Variants in TMEM138 observed in about 807,000 individuals in gnomAD.
The protein encoded by TMEM138 is transmembrane protein 138.
Under a neutral mutation model 18.1 loss-of-function variants are expected in TMEM138, and 9 were observed. The ratio of observed to expected loss-of-function variants is 0.50; its 90% CI spans 0.30 to 0.87. The LOEUF is 0.87. TMEM138 is among the 40% of genes least tolerant of loss of function. TMEM138 has a pLI of 0.06. For missense variants in TMEM138, 189 were observed against 190.6 expected, an observed-to-expected ratio of 0.99 and a Z score of 0.05; for synonymous variants, 79 against 74.8, an observed-to-expected ratio of 1.06 and a Z score of -0.29.
chr11:61,371,280 C>G (rs1406005340), downstream of TMEM138, among the ~76,000 whole-genome samples: 2 of 152,080 alleles, frequency 1.3e-5, no homozygotes, highest in African/African-American at 4.8e-5. Flanking sequence ...TGATCTGCCC[C>G]CCTCGGCCTC....
chr11:61,366,926 T>C (rs1003447885), intron 3 of TMEM138: 2 of 152,212 alleles, frequency 1.3e-5, no homozygotes, highest in African/African-American at 2.4e-5. Flanking sequence ...AAAACAGCCT[T>C]GTCCAAGAGT....
At chr11:61,368,045 C>G (rs370164598) in intron 4 of TMEM138, 47 bp downstream of exon 4, 23 of 1,321,306 alleles carry the variant, frequency 1.7e-5, no homozygotes, top group South Asian at 7.0e-5. Flanking sequence ...CCACATGTGT[C>G]TCTTTCAGTG....
In TMEM138 at chr11:61,368,743, T is replaced by A; in HGVS notation, c.*34T>A. On this transcript the variant is annotated 3_prime_UTR_variant, in exon 5 of 5. Coordinates refer to ENST00000278826, the MANE Select transcript of TMEM138 (RefSeq NM_016464.5). ...CACACTGATGGATACTTTTCCTTCC[T>A]GATAGAAGCCACATTTGCTGCTTTG... is the stretch of plus-strand genomic sequence containing the variant. 6.5e-7 allele frequency: 1 copy of A among 1,530,080 alleles called. No individual in the cohort carries two copies. Among genetic ancestry groups the A allele is most frequent in the Non-Finnish European group, 9.0e-7 (1 of 1,105,294 alleles). 94.8% of individuals were successfully genotyped at this position (1,530,080 alleles called of 1,614,324 possible). A position where few individuals can be genotyped will look rare whatever the true frequency, so the allele number is the denominator to read the frequency against.
Position 61,366,033 on chromosome 11 carries a change from TTA to T in TMEM138, c.129-10_129-9del. 1 of 1,606,904 alleles carries T rather than the reference TTA, an allele frequency of 6.2e-7. No homozygotes were observed. The highest frequency in any genetic ancestry group is 2.2e-5 in the East Asian group (1 of 44,758). On this transcript the variant is annotated splice_polypyrimidine_tract_variant and intron_variant, in intron 2 of 4. Transcript: ENST00000278826. ...AGGCCTTCATTGGTTGTACTTTTTT[TTA>T]TGTCTACAGCATCCAGGATATTGCA... is the stretch of plus-strand genomic sequence containing the variant.
At chr11:61,374,599 C>A (rs1036765917), downstream of TMEM138, among the ~76,000 whole-genome samples, 2 of 152,138 alleles carry the variant, frequency 1.3e-5, no homozygotes, top group Admixed American at 1.3e-4. Flanking sequence ...ATTTTGTCAT[C>A]CATGGACAAT....
At chr11:61,366,466 C>CT in intron 3 of TMEM138, 2 of 394,212 alleles carry the variant, frequency 5.1e-6, no homozygotes, top group South Asian at 4.6e-5. Flanking sequence ...CTTTTCTTTT[C>CT]TTTTCTTTTT....
At chr11:61,365,860 T>C (rs1858124698) in intron 2 of TMEM138, 185 bp from the exon 3 acceptor site, 3 of 617,502 alleles carry the variant, frequency 4.9e-6, no homozygotes, top group South Asian at 6.2e-5. Context: ...CAGTGGGTAA[T>C]TTTAGGTAAT....
chr11:61,372,532 C>T (rs1858370468), downstream of TMEM138, among the ~76,000 whole-genome samples: 1 of 151,474 alleles, frequency 6.6e-6, no homozygotes, highest in Non-Finnish European at 1.5e-5. Flanking sequence ...CCTGTAATCC[C>T]AGCACTTTGG....
At chr11:61,374,679 G>A (rs1326804412), downstream of TMEM138, among the ~76,000 whole-genome samples, 1 of 152,152 alleles carries the variant, frequency 6.6e-6, no homozygotes, top group African/African-American at 2.4e-5. Flanking sequence ...GCCAGGCGTG[G>A]TGACTCACAC....
chr11:61,369,571 C>T (rs1858280085), downstream of TMEM138: 1 of 152,214 alleles, frequency 6.6e-6, no homozygotes, highest in African/African-American at 2.4e-5. Flanking sequence ...TGTAACTCCA[C>T]CACCAAAGTT....
chr11:61,364,689 G>C, intron 2 of TMEM138, 171 bp downstream of exon 2: 1 of 864,212 alleles, frequency 1.2e-6, no homozygotes, highest in Non-Finnish European at 1.7e-6. Flanking sequence ...GGGAGTTTGA[G>C]GACCAGCCTA....
In TMEM138 at chr11:61,368,696, A is replaced by G; in HGVS notation, c.476A>G (p.Gln159Arg). Residue 159 changes from glutamine (Q) to arginine (R), a missense_variant, in exon 5 of 5, where the codon CAA (glutamine) becomes CGA (arginine). Transcript: ENST00000278826. ...TTGTGGCTGCGCAAGGAGTTCATGCAAGTTCGAAGGTGACCTCTTGTCACA... is the reference window on the plus strand; with the variant it reads ...TTGTGGCTGCGCAAGGAGTTCATGCGAGTTCGAAGGTGACCTCTTGTCACA... Reference protein sequence around the residue: ...DSLWLRKEFMQVRR With the variant: ...DSLWLRKEFMRVRR The G allele has an allele frequency of 6.2e-7, 1 of 1,613,648 alleles. No individual in the cohort carries two copies. The highest frequency in any genetic ancestry group is 2.2e-5 in the East Asian group (1 of 44,882).
downstream of TMEM138, among the ~76,000 whole-genome samples, chr11:61,372,466 C>G (rs1359730386): frequency 7.2e-6 from 1 of 139,502 alleles, no homozygotes; most frequent in African/African-American, 2.7e-5. Context: ...CGTGCCCAGC[C>G]GGAAAACATT....
downstream of TMEM138, among the ~76,000 whole-genome samples, chr11:61,370,460 A>G (rs1858310930): frequency 6.6e-6 from 1 of 152,208 alleles, no homozygotes; most frequent in Non-Finnish European, 1.5e-5. Flanking sequence ...TAGTGGATAC[A>G]TCAGCAAGGT....
chr11:61,368,132 G>A lies in TMEM138; in HGVS notation c.376+134G>A, dbSNP rs61414182. On this transcript the variant is annotated intron_variant, in intron 4 of 4. Coordinates refer to ENST00000278826, the MANE Select transcript of TMEM138 (RefSeq NM_016464.5). ...GTGACAGCCACACCAGGAACAGGAG[G>A]GATTACTGCCCCTGCCCTTGCTAGA... 6.4e-4 allele frequency: 488 copies of A among 768,426 alleles called. 4 individuals carry two copies. In the African/African-American group the frequency reaches 6.8e-3, roughly 11 times the overall value. 47.6% of individuals were successfully genotyped at this position (768,426 alleles called of 1,614,324 possible).
downstream of TMEM138, among the ~76,000 whole-genome samples, chr11:61,374,143 C>CTTTTTT (rs768260657): frequency 3.2e-5 from 4 of 125,638 alleles, no homozygotes; most frequent in African/African-American, 9.1e-5. Context: ...GCGCCCAGTC[C>CTTTTTT]TTTTTTTTTT....
intron 2 of TMEM138, 89 bp from the exon 3 acceptor site, chr11:61,365,956 C>G (rs1448455946): frequency 2.5e-5 from 36 of 1,467,182 alleles, no homozygotes; most frequent in Non-Finnish European, 3.2e-5. Flanking sequence ...CAACAAAGGA[C>G]AGGCCTCGTG....
At chr11:61,372,812 T>C (rs1316394034), downstream of TMEM138, among the ~76,000 whole-genome samples, 10 of 151,688 alleles carry the variant, frequency 6.6e-5, no homozygotes. Context: ...AGAGGGATTG[T>C]TCAGGACAAA....
At position 61,366,088 on chromosome 11, in the gene TMEM138, C is replaced by G; in HGVS notation, c.172C>G (p.Leu58Val). ...AVLFNIIIIFLMFFNTFVFQA... is the reference protein window; with the variant it reads ...AVLFNIIIIFVMFFNTFVFQA... Reference sequence around the variant, plus strand: ...CCTCTTCAACATCATCATCATTTTCCTCATGTTCTTCAACACCTTCGTCTT... The same window carrying G: ...CCTCTTCAACATCATCATCATTTTCGTCATGTTCTTCAACACCTTCGTCTT... The change falls in exon 3 of 5, where the codon CTC becomes GTC. Residue 58 changes from leucine (L) to valine (V), a missense_variant. By Grantham distance (32) the Leu-to-Val change is conservative (BLOSUM62 1). Coordinates refer to ENST00000278826, the MANE Select transcript of TMEM138 (RefSeq NM_016464.5). 6.2e-7 allele frequency: 1 copy of G among 1,613,988 alleles called. No individual in the cohort carries two copies. The highest frequency in any genetic ancestry group is 2.2e-5 in the East Asian group (1 of 44,880).
Sources: allele counts gnomAD v4.1 joint callset (sites outside exome capture counted in the v4.1 genomes callset), GRCh38; gene constraint gnomAD v4.1.1; transcripts MANE v1.5; gene names NCBI Gene and HGNC (gene_info 2026-07-23, HGNC 2026-07-21).